CPN2: variants seen among roughly 807,000 people sequenced by gnomAD.
CPN2 encodes the protein carboxypeptidase N 83 kDa chain.
For synonymous variants in CPN2, 336 were observed against 318.4 expected (o/e 1.06, Z -0.59); for missense variants, 620 against 671.4 (o/e 0.92, Z 0.85).
At position 194,341,983 on chromosome 3, in the gene CPN2, G is replaced by A. The variant is rs533545129; in HGVS notation, c.720C>T (p.Leu240=). Residue 240 remains leucine (L), a synonymous_variant, in exon 2 of 2, where the codon CTC becomes CTT. Coordinates refer to ENST00000323830, the MANE Select transcript of CPN2 (RefSeq NM_001080513.4). ...SELPPQVFSQ[L]FCLERLWLQR... ...GCAGCCACAGCCTCTCTAGGCAGAA[G>A]AGCTGGGAGAACACCTGAGGGGGCA... 7 of 1,614,192 alleles carry A rather than the reference G, an allele frequency of 4.3e-6. No homozygotes were observed. In the East Asian group the frequency reaches 8.9e-5, roughly 21 times the overall value.
At chr3:194,347,248 T>G (rs1302420735) in intron 1 of CPN2, among the ~76,000 whole-genome samples, 1 of 151,702 alleles carries the variant, frequency 6.6e-6, no homozygotes, top group African/African-American at 2.4e-5. Flanking sequence ...GCAAATGAGC[T>G]CCTTCCTCTC....
Position 194,341,046 on chromosome 3 carries a change from G to C in CPN2, c.*19C>G. The C allele has an allele frequency of 6.4e-7, 1 of 1,569,154 alleles. No homozygotes were observed. Among genetic ancestry groups the C allele is most frequent in the Non-Finnish European group, 8.7e-7 (1 of 1,154,316 alleles). On this transcript the variant is annotated 3_prime_UTR_variant, in exon 2 of 2. Transcript: ENST00000323830. ...CAGGCCCCAGAGGCCCCCTTCCCCA[G>C]CTCCTGTATGCGCTGCTACTAGGGC... is the stretch of plus-strand genomic sequence containing the variant.
rs759704781 is a variant in CPN2 at position 194,341,683 on chromosome 3, G to A, written c.1020C>T (p.Val340=). The change falls in exon 2 of 2, where the codon GTC becomes GTT. Residue 340 remains valine, a synonymous_variant. Coordinates refer to ENST00000323830, the MANE Select transcript of CPN2 (RefSeq NM_001080513.4). ...GGTTGTTGCTGCCCAGGTAGAGTTTGACCAACTCCTCCAGGTCTCTGAAGA... is the reference window on the plus strand; with the variant it reads ...GGTTGTTGCTGCCCAGGTAGAGTTTAACCAACTCCTCCAGGTCTCTGAAGA... ...AGIFRDLEEL[V]KLYLGSNNLT... is the part of the protein sequence containing the mutation. The A allele has an allele frequency of 6.2e-7, 1 of 1,614,144 alleles. No homozygotes were observed. The highest frequency in any genetic ancestry group is 2.2e-5 in the East Asian group (1 of 44,886).
chr3:194,344,737 A>C (rs1712987618), intron 1 of CPN2, among the ~76,000 whole-genome samples: 1 of 151,798 alleles, frequency 6.6e-6, no homozygotes, highest in Admixed American at 6.6e-5. Flanking sequence ...ATAGAATCTG[A>C]CTCCCGCAAT....
intron 1 of CPN2, among the ~76,000 whole-genome samples, chr3:194,344,195 G>C (rs1463740544): frequency 6.6e-6 from 1 of 152,136 alleles, no homozygotes; most frequent in South Asian, 2.1e-4. Context: ...TGCTTATTAG[G>C]GGAGCCCCCT....
intron 1 of CPN2, among the ~76,000 whole-genome samples, chr3:194,347,681 GC>G: frequency 5.6e-5 from 1 of 17,974 alleles, no homozygotes. Flanking sequence ...GCCCAGTTCA[GC>G]CCACCCCACC....
rs377334962 is a variant in CPN2 at position 194,342,241 on chromosome 3, C to A, written c.462G>T (p.Gly154=). Residue 154 remains glycine, a synonymous_variant, in exon 2 of 2, where the codon GGG becomes GGT. Transcript: ENST00000323830. Reference sequence around the variant, plus strand: ...TCCTGGGCAGGGCCTGGAGCTGGTTCCCCTGCAGGTGGAGGGACTCCAGGG... The same window carrying A: ...TCCTGGGCAGGGCCTGGAGCTGGTTACCCTGCAGGTGGAGGGACTCCAGGG... ...LAALESLHLQ[G]NQLQALPRRL... 6.2e-7 allele frequency: 1 copy of A among 1,613,880 alleles called. No homozygotes were observed. The highest frequency in any genetic ancestry group is 8.5e-7 in the Non-Finnish European group (1 of 1,179,906).
chr3:194,347,565 T>G (rs111683075), intron 1 of CPN2, among the ~76,000 whole-genome samples: 7,355 of 152,238 alleles, frequency 0.048, 443 homozygotes, highest in African/African-American at 0.14. Context: ...TCCAGCAACG[T>G]AAGTCCAGTG....
At chr3:194,348,703 C>T (rs906440714) in intron 1 of CPN2, among the ~76,000 whole-genome samples, 1 of 152,040 alleles carries the variant, frequency 6.6e-6, no homozygotes, top group Non-Finnish European at 1.5e-5. Flanking sequence ...TCAGCCTGGG[C>T]AACATGGTAA....
rs1051477054 is a variant in CPN2 at position 194,346,342 on chromosome 3, C to T, written c.-3-3637G>A. On this transcript the variant is annotated intron_variant, in intron 1 of 1. Coordinates refer to ENST00000323830, the MANE Select transcript of CPN2 (RefSeq NM_001080513.4). The stretch of plus-strand genomic sequence containing the variant: ...TCCAGACGGACATGTGCCCTTGGCA[C>T]CCCTTGTGGGTGGTATCACTGGGGG... Among the ~76,000 whole-genome samples the T allele has an allele frequency of 2.6e-5, 4 of 152,226 alleles. No homozygotes were observed. In the East Asian group the frequency reaches 7.7e-4, roughly 29 times the overall value.
intron 1 of CPN2, among the ~76,000 whole-genome samples, 174 bp downstream of exon 1, chr3:194,351,068 A>G (rs1253572062): frequency 2.0e-5 from 3 of 152,082 alleles, no homozygotes; most frequent in Admixed American, 6.5e-5. Flanking sequence ...GCCTCTTCCC[A>G]GCAGCGCCCT....
chr3:194,345,307 C>T (rs998644850), intron 1 of CPN2, among the ~76,000 whole-genome samples: 7 of 152,188 alleles, frequency 4.6e-5, no homozygotes, highest in Admixed American at 3.3e-4. Context: ...CTCCAGAGAG[C>T]AAGAGGGGAG....
At chr3:194,346,887 A>G (rs995531254) in intron 1 of CPN2, among the ~76,000 whole-genome samples, 6 of 152,172 alleles carry the variant, frequency 3.9e-5, no homozygotes, top group African/African-American at 1.4e-4. Flanking sequence ...GCCTCTCCAC[A>G]GCACTCCTTC....
Position 194,341,719 on chromosome 3 carries a change from G to A in CPN2, c.984C>T (p.Leu328=). 6.2e-7 allele frequency: 1 copy of A among 1,614,152 alleles called. No homozygotes were observed. Among genetic ancestry groups the A allele is most frequent in the Non-Finnish European group, 8.5e-7 (1 of 1,180,036 alleles). The change falls in exon 2 of 2, where the codon CTC becomes CTT. Residue 328 remains leucine (L), a synonymous_variant. Coordinates refer to ENST00000323830, the MANE Select transcript of CPN2 (RefSeq NM_001080513.4). Reference sequence around the variant, plus strand: ...CCAGGTCTCTGAAGATGCCAGCTGGGAGGTGGGTAATGGCATTGTATGAGA... The same window carrying A: ...CCAGGTCTCTGAAGATGCCAGCTGGAAGGTGGGTAATGGCATTGTATGAGA... ...LMLSYNAITH[L]PAGIFRDLEE...
intron 1 of CPN2, among the ~76,000 whole-genome samples, chr3:194,346,658 G>A (rs1381409907): frequency 2.6e-5 from 4 of 152,176 alleles, no homozygotes; most frequent in Non-Finnish European, 5.9e-5. Context: ...CAAACAATGA[G>A]CACACTACTA....
In CPN2 at chr3:194,341,298, C is replaced by T; in HGVS notation, c.1405G>A (p.Asp469Asn). 1 of 1,613,604 alleles carries T rather than the reference C, an allele frequency of 6.2e-7. No homozygotes were observed. The highest frequency in any genetic ancestry group is 8.5e-7 in the Non-Finnish European group (1 of 1,179,958). Residue 469 changes from aspartate (D) to asparagine (N), a missense_variant, in exon 2 of 2, where the codon GAT becomes AAT. By Grantham distance (23) the Asp-to-Asn change is conservative. Transcript: ENST00000323830. Reference protein sequence around the residue: ...PDESKAGGSWDLAVQERAARS... With the variant: ...PDESKAGGSWNLAVQERAARS... The stretch of plus-strand genomic sequence containing the variant: ...GCTGCCCTTTCCTGCACAGCCAGAT[C>T]CCAGCTGCCCCCTGCCTTGCTTTCG...
chr3:194,342,061 G>A lies in CPN2; in HGVS notation c.642C>T (p.Gly214=), dbSNP rs1349131886. The change falls in exon 2 of 2, where the codon GGC becomes GGT. Residue 214 remains glycine (G), a synonymous_variant. Coordinates refer to ENST00000323830, the MANE Select transcript of CPN2 (RefSeq NM_001080513.4). ...ALSGLPQGVF[G]KLGSLQELFL... is the part of the protein sequence containing the mutation. ...AGAGCTCCTGCAGGCTGCCCAGTTT[G>A]CCAAACACACCCTGGGGGAGACCAG... 1.2e-6 allele frequency: 2 copies of A among 1,614,076 alleles called. No homozygotes were observed. Among genetic ancestry groups the A allele is most frequent in the African/African-American group, 2.7e-5 (2 of 74,932 alleles).
At chr3:194,349,576 T>C (rs1241200253) in intron 1 of CPN2, among the ~76,000 whole-genome samples, 1 of 152,124 alleles carries the variant, frequency 6.6e-6, no homozygotes, top group Non-Finnish European at 1.5e-5. Flanking sequence ...TACTTGACTC[T>C]TTCCTTCCTG....
Position 194,342,094 on chromosome 3 carries a change from G to C in CPN2, c.609C>G (p.Asn203Lys). ...TSLQTLKLSN[N>K]ALSGLPQGVF... is the part of the protein sequence containing the mutation. Reference sequence around the variant, plus strand: ...CACCCTGGGGGAGACCAGAGAGCGCGTTGTTGCTCAGCTTCAGGGTCTGCA... The same window carrying C: ...CACCCTGGGGGAGACCAGAGAGCGCCTTGTTGCTCAGCTTCAGGGTCTGCA... The change falls in exon 2 of 2, where the codon AAC becomes AAG. Residue 203 changes from asparagine (N) to lysine (K), a missense_variant. Coordinates refer to ENST00000323830, the MANE Select transcript of CPN2 (RefSeq NM_001080513.4). 2 of 1,614,180 alleles carry C rather than the reference G, an allele frequency of 1.2e-6. No individual in the cohort carries two copies. Among genetic ancestry groups the C allele is most frequent in the East Asian group, 2.2e-5 (1 of 44,874 alleles).
Sources: gnomAD v4.1 joint callset for allele counts (sites outside exome capture counted in the v4.1 genomes callset) on GRCh38, gnomAD v4.1.1 for gene constraint, MANE v1.5 for transcripts, NCBI Gene and HGNC (gene_info 2026-07-23, HGNC 2026-07-21) for gene names.